The following LUC7L2 variants were observed in gnomAD, a reference collection of about 807,000 sequenced individuals.
LUC7L2 encodes putative RNA-binding protein Luc7-like 2.
In LUC7L2, 25 loss-of-function variants were observed where a neutral mutation model predicts 52.8. The ratio of observed to expected loss-of-function variants is 0.47; its 90% CI spans 0.34 to 0.66. The LOEUF (loss-of-function observed/expected upper bound fraction) is 0.66, where lower values mean the gene tolerates loss of function less well. Ranked by LOEUF, LUC7L2 falls within the 30% of genes least tolerant of loss-of-function variation. The pLI is 0.01. For synonymous variants in LUC7L2, 144 were observed against 160.9 expected, an observed-to-expected ratio of 0.89 and a Z score of 0.80; for missense variants, 328 against 497.8, an observed-to-expected ratio of 0.66 and a Z score of 3.25.
chr7:139,375,940 C>T (rs975494852), intron 1 of LUC7L2, 122 bp from the exon 2 acceptor site: 11 of 990,952 alleles, frequency 1.1e-5, no homozygotes, highest in Non-Finnish European at 1.6e-5. Context: ...AAACTAATCC[C>T]TCTTGAGCTG....
intron 1 of LUC7L2, among the ~76,000 whole-genome samples, chr7:139,343,291 G>A (rs1799093234): frequency 6.6e-6 from 1 of 152,214 alleles, no homozygotes; most frequent in Admixed American, 6.5e-5. Context: ...AGTTAAATTT[G>A]TATTAAAGCA....
At chr7:139,352,566 C>T (rs1035851295) in intron 1 of LUC7L2, among the ~76,000 whole-genome samples, 3 of 152,170 alleles carry the variant, frequency 2.0e-5, no homozygotes, top group Non-Finnish European at 2.9e-5. Flanking sequence ...TTTAATTCCC[C>T]TGTCTTGAAT....
chr7:139,394,809 T>C lies in LUC7L2; in HGVS notation c.157-3790T>C, dbSNP rs1794590334. ...CTAGCATGGTAAAGTGGAAGCAATA[T>C]TAGACTAGGAATCAGTCTAACCAGA... On this transcript the variant is annotated intron_variant, in intron 2 of 9. Coordinates refer to ENST00000354926, the MANE Select transcript of LUC7L2 (RefSeq NM_016019.5). Among the ~76,000 whole-genome samples the C allele has an allele frequency of 1.3e-5, 2 of 152,314 alleles. 1 individual carries two copies. The highest frequency in any genetic ancestry group is 4.1e-4 in the South Asian group (2 of 4,826).
At chr7:139,399,724 C>T (rs1055949426) in intron 3 of LUC7L2, among the ~76,000 whole-genome samples, 1 of 152,008 alleles carries the variant, frequency 6.6e-6, no homozygotes, top group Admixed American at 6.6e-5. Context: ...CCGCCTCAGC[C>T]TCCCAAAGTG....
chr7:139,388,245 T>C (rs1400498272), intron 2 of LUC7L2, among the ~76,000 whole-genome samples: 1 of 152,232 alleles, frequency 6.6e-6, no homozygotes, highest in Non-Finnish European at 1.5e-5. Flanking sequence ...TAACTTTTTC[T>C]AGTTTTCTTT....
At chr7:139,400,929 C>T (rs1794884503) in intron 3 of LUC7L2, among the ~76,000 whole-genome samples, 1 of 152,070 alleles carries the variant, frequency 6.6e-6, no homozygotes, top group Admixed American at 6.6e-5. Flanking sequence ...TTGGGTTATC[C>T]AACTATTTTT....
chr7:139,404,839 TTAGA>T (rs1368808832), intron 4 of LUC7L2, among the ~76,000 whole-genome samples: 1 of 152,220 alleles, frequency 6.6e-6, no homozygotes, highest in Non-Finnish European at 1.5e-5. Flanking sequence ...TAGGTACTTC[TTAGA>T]TGAGGAAATG....
intron 8 of LUC7L2, among the ~76,000 whole-genome samples, chr7:139,414,260 C>T (rs865913919): frequency 6.6e-6 from 1 of 152,218 alleles, no homozygotes; most frequent in African/African-American, 2.4e-5. Flanking sequence ...GAGAAGTTAA[C>T]ATCTTTACCA....
At chr7:139,393,922 A>G (rs1206392667) in intron 2 of LUC7L2, among the ~76,000 whole-genome samples, 1 of 152,158 alleles carries the variant, frequency 6.6e-6, no homozygotes, top group African/African-American at 2.4e-5. Context: ...TATTCCACAT[A>G]CAAAAAAGCC....
Position 139,422,493 on chromosome 7 carries a change from GT to G in LUC7L2, c.*157del. ...ATCTAACTTGATCTGAACTGAACCT[GT>G]TTTCCTTGATGATGCCTAAAACTAC... is the stretch of plus-strand genomic sequence containing the variant. On this transcript the variant is annotated 3_prime_UTR_variant, in exon 10 of 10. Transcript: ENST00000354926. 1 of 1,330,936 alleles carries G rather than the reference GT, an allele frequency of 7.5e-7. No homozygotes were observed. Among genetic ancestry groups the G allele is most frequent in the Non-Finnish European group, 9.6e-7 (1 of 1,039,442 alleles). 82.4% of individuals were successfully genotyped at this position (1,330,936 alleles called of 1,614,324 possible).
chr7:139,374,540 A>T, intron 1 of LUC7L2: 3 of 1,547,380 alleles, frequency 1.9e-6, no homozygotes, highest in Non-Finnish European at 2.6e-6. Flanking sequence ...TTAAAAGGAA[A>T]AAGGACCATC....
At chr7:139,363,801 C>T (rs1470325785) in intron 1 of LUC7L2, among the ~76,000 whole-genome samples, 1 of 152,096 alleles carries the variant, frequency 6.6e-6, no homozygotes, top group African/African-American at 2.4e-5. Context: ...AGTACCCTCA[C>T]ACAGACTGTG....
Position 139,360,144 on chromosome 7 carries a change from G to A in LUC7L2, c.-118G>A. On this transcript the variant is annotated 5_prime_UTR_variant, in exon 1 of 10. Coordinates refer to ENST00000354926, the MANE Select transcript of LUC7L2 (RefSeq NM_016019.5). Reference sequence around the variant, plus strand: ...CCGGCTCCCTTTCCGCACGCCTCGAGGCGGCGGCGGCCACCGAGACAGCAG... The same window carrying A: ...CCGGCTCCCTTTCCGCACGCCTCGAAGCGGCGGCGGCCACCGAGACAGCAG... 1 of 657,024 alleles carries A rather than the reference G, an allele frequency of 1.5e-6. No homozygotes were observed. The highest frequency in any genetic ancestry group is 2.5e-6 in the Non-Finnish European group (1 of 406,500). 40.7% of individuals were successfully genotyped at this position (657,024 alleles called of 1,614,324 possible). A position where few individuals can be genotyped will look rare whatever the true frequency, so the allele number is the denominator to read the frequency against.
At chr7:139,345,873 C>G in intron 1 of LUC7L2, 1 of 779,256 alleles carries the variant, frequency 1.3e-6, no homozygotes. Flanking sequence ...AGTGAATTTA[C>G]TGAACTTTTT....
intron 1 of LUC7L2, chr7:139,341,653 G>C: frequency 7.0e-7 from 1 of 1,427,094 alleles, no homozygotes; most frequent in South Asian, 1.4e-5. Flanking sequence ...CCCTGGTTCT[G>C]ACCAAACCAA....
intron 2 of LUC7L2, among the ~76,000 whole-genome samples, chr7:139,385,131 A>G (rs1300073365): frequency 2.0e-5 from 3 of 152,028 alleles, no homozygotes; most frequent in Non-Finnish European, 2.9e-5. Flanking sequence ...ATACGTTCAT[A>G]TGGGTATGGC....
intron 2 of LUC7L2, among the ~76,000 whole-genome samples, chr7:139,395,254 A>G (rs941277505): frequency 6.6e-6 from 1 of 152,210 alleles, no homozygotes; most frequent in Non-Finnish European, 1.5e-5. Context: ...AGCTTCTTTC[A>G]TTCCTGTTAT....
chr7:139,360,795 T>C (rs1799840976), intron 1 of LUC7L2, among the ~76,000 whole-genome samples: 1 of 152,130 alleles, frequency 6.6e-6, no homozygotes, highest in African/African-American at 2.4e-5. Context: ...GAAACCTTTA[T>C]TACTAACCCA....
intron 2 of LUC7L2, among the ~76,000 whole-genome samples, chr7:139,390,699 G>A (rs1794412172): frequency 6.6e-6 from 1 of 151,966 alleles, no homozygotes; most frequent in Non-Finnish European, 1.5e-5. Flanking sequence ...GGGACTATAG[G>A]CGCCCACCAC....
Sources: allele counts gnomAD v4.1 joint callset (sites outside exome capture counted in the v4.1 genomes callset), GRCh38; gene constraint gnomAD v4.1.1; transcripts MANE v1.5; gene names NCBI Gene and HGNC (gene_info 2026-07-23, HGNC 2026-07-21).